The following RAP1GAP2 variants were observed in gnomAD, a reference collection of about 807,000 sequenced individuals.
RAP1GAP2 encodes the protein RAP1 GTPase activating protein 2, also known as rap1 GTPase-activating protein 2.
A neutral mutation model predicts 95.0 loss-of-function variants in RAP1GAP2; 27 were observed. That is an observed-to-expected ratio of 0.28 (90% CI 0.21 to 0.39). The LOEUF is 0.39. Ranked by LOEUF, RAP1GAP2 falls within the 10% of genes least tolerant of loss-of-function variation. The pLI is 1.00. For missense variants in RAP1GAP2, 771 were observed against 970.0 expected (o/e 0.79, Z 2.72); for synonymous variants, 373 against 380.9 (o/e 0.98, Z 0.24).
At position 2,816,935 on chromosome 17, in the gene RAP1GAP2, A is replaced by G. The variant is rs562063463; in HGVS notation, c.80+16385A>G. Among the ~76,000 whole-genome samples the G allele has an allele frequency of 1.8e-5, 2 of 113,606 alleles. 1 individual carries two copies. The highest frequency in any genetic ancestry group is 4.8e-4 in the East Asian group (2 of 4,144). 74.5% of individuals were successfully genotyped at this position (113,606 alleles called of 152,430 possible). ...CTGTGTCTGGCTTATTTCACTTCCC[A>G]TAATGTCTTCAAGGTTCATCCATGT... On this transcript the variant is annotated intron_variant, in intron 2 of 24. Transcript: ENST00000254695.
chr17:2,889,970 C>T (rs1351525442), intron 2 of RAP1GAP2, among the ~76,000 whole-genome samples: 4 of 147,414 alleles, frequency 2.7e-5, no homozygotes, highest in Non-Finnish European at 3.0e-5. Context: ...GTGATCCGCC[C>T]GCTTTGGCCT....
intron 23 of RAP1GAP2, among the ~76,000 whole-genome samples, chr17:3,031,695 A>C (rs55780125): frequency 9.2e-6 from 1 of 108,994 alleles, no homozygotes; most frequent in African/African-American, 3.7e-5. Context: ...ACTATCGAGA[A>C]CTCCAGGTCC....
chr17:2,942,013 G>A (rs1262739761), intron 3 of RAP1GAP2, among the ~76,000 whole-genome samples: 4 of 152,134 alleles, frequency 2.6e-5, no homozygotes, highest in African/African-American at 7.2e-5. Context: ...GAGTGTCACT[G>A]AGATGGCTTT....
At chr17:2,774,102 T>C (rs2068448388), upstream of RAP1GAP2, among the ~76,000 whole-genome samples, 1 of 152,118 alleles carries the variant, frequency 6.6e-6, no homozygotes, top group South Asian at 2.1e-4. Context: ...AAATGTATTT[T>C]GGTTTCTAAT....
intron 2 of RAP1GAP2, among the ~76,000 whole-genome samples, chr17:2,853,587 T>G (rs1240286347): frequency 1.4e-5 from 2 of 147,998 alleles, no homozygotes; most frequent in African/African-American, 5.0e-5. Context: ...GCTGTCCGCC[T>G]CCTCCTGCGC....
At chr17:2,884,467 G>A (rs1051304018) in intron 2 of RAP1GAP2, among the ~76,000 whole-genome samples, 2 of 144,638 alleles carry the variant, frequency 1.4e-5, no homozygotes, top group East Asian at 4.5e-4. Flanking sequence ...TCGCCTCCCC[G>A]GTTCAAGCGA....
intron 1 of RAP1GAP2, among the ~76,000 whole-genome samples, chr17:2,783,466 G>C (rs1421316367): frequency 6.6e-6 from 1 of 152,204 alleles, no homozygotes. Context: ...ATGAATGAAT[G>C]AATTAATGAA....
At chr17:2,756,662 A>T (rs1019816496) in intron 1 of RAP1GAP2, among the ~76,000 whole-genome samples, 2 of 152,204 alleles carry the variant, frequency 1.3e-5, no homozygotes, top group Non-Finnish European at 2.9e-5. Context: ...CAGCAGGGTC[A>T]GAGAGCACCT....
chr17:2,950,417 T>A (rs1346528611), intron 3 of RAP1GAP2, among the ~76,000 whole-genome samples: 3 of 151,932 alleles, frequency 2.0e-5, no homozygotes, highest in Non-Finnish European at 4.4e-5. Context: ...CGAGAAAAAG[T>A]ATCTTGAAGC....
chr17:2,921,360 C>G (rs1279202407), intron 3 of RAP1GAP2, among the ~76,000 whole-genome samples: 1 of 152,074 alleles, frequency 6.6e-6, no homozygotes, highest in East Asian at 1.9e-4. Flanking sequence ...GGCCACCACA[C>G]CCGGCTAACT....
chr17:2,957,739 C>T lies in RAP1GAP2; in HGVS notation c.166-20C>T, dbSNP rs1280652763. The T allele has an allele frequency of 1.2e-6, 2 of 1,604,434 alleles. No homozygotes were observed. The highest frequency in any genetic ancestry group is 1.7e-6 in the Non-Finnish European group (2 of 1,174,972). On this transcript the variant is annotated intron_variant, in intron 3 of 24. Coordinates refer to ENST00000254695, the MANE Select transcript of RAP1GAP2 (RefSeq NM_015085.5). ...CCCGGCTGATCCCTGTCTTTCTGTC[C>T]CCCTGCTTTTGTCTTTCAGTCGTCG...
intron 2 of RAP1GAP2, among the ~76,000 whole-genome samples, chr17:2,820,294 G>A (rs571670974): frequency 1.3e-5 from 2 of 152,188 alleles, no homozygotes; most frequent in South Asian, 2.1e-4. Context: ...CTGTTGGGTC[G>A]CAGCTCTACT....
intron 2 of RAP1GAP2, among the ~76,000 whole-genome samples, chr17:2,813,820 G>A (rs543403116): frequency 6.6e-6 from 1 of 152,068 alleles, no homozygotes; most frequent in Admixed American, 6.5e-5. Context: ...AAAATTAGCC[G>A]GGCATGGTGG....
intron 19 of RAP1GAP2, among the ~76,000 whole-genome samples, chr17:3,023,422 G>A (rs149824650): frequency 7.0e-4 from 107 of 152,238 alleles, no homozygotes; most frequent in African/African-American, 2.1e-3. Context: ...GGGAAAGGGC[G>A]GCATTTGGTT....
At position 2,998,325 on chromosome 17, in the gene RAP1GAP2, C is replaced by T. The variant is rs2046036351; in HGVS notation, c.1149C>T (p.Ala383=). ...TGATAGCCTCCAATTTCTTACATGCCTACATCGTCGTGCAGGTCGAGACCC... is the reference window on the plus strand; with the variant it reads ...TGATAGCCTCCAATTTCTTACATGCTTACATCGTCGTGCAGGTCGAGACCC... The part of the protein sequence containing the change: ...PDMIASNFLH[A]YIVVQVETPG... Residue 383 remains alanine (A), a synonymous_variant, in exon 14 of 25, where the codon GCC becomes GCT. Transcript: ENST00000254695. 1.2e-6 allele frequency: 2 copies of T among 1,613,940 alleles called. No individual in the cohort carries two copies. Among genetic ancestry groups the T allele is most frequent in the African/African-American group, 1.3e-5 (1 of 74,938 alleles).
rs760782140 is a variant in RAP1GAP2, at chr17:2,827,322, A to T, written c.80+26772A>T. On this transcript the variant is annotated intron_variant, in intron 2 of 24. Coordinates refer to ENST00000254695, the MANE Select transcript of RAP1GAP2 (RefSeq NM_015085.5). This position sits in a 1 kb window ranked among gnomAD's most constrained non-coding sequence, Gnocchi z 4.1. Reference sequence around the variant, plus strand: ...AGTGTGAGTCCTACAAAAGTGGACAATTCAGACCCTGTTGGGTTTTGTGGC... The same window carrying T: ...AGTGTGAGTCCTACAAAAGTGGACATTTCAGACCCTGTTGGGTTTTGTGGC... Among the ~76,000 whole-genome samples, 10 of 152,180 alleles carry T rather than the reference A, an allele frequency of 6.6e-5. No individual in the cohort carries two copies. Among genetic ancestry groups the T allele is most frequent in the Non-Finnish European group, 1.3e-4 (9 of 68,046 alleles).
At chr17:3,017,723 C>T (rs935769880) in intron 17 of RAP1GAP2, among the ~76,000 whole-genome samples, 1 of 152,070 alleles carries the variant, frequency 6.6e-6, no homozygotes, top group Non-Finnish European at 1.5e-5. Context: ...GCTTGGCGAG[C>T]TCCAAGCCTC....
intron 3 of RAP1GAP2, among the ~76,000 whole-genome samples, chr17:2,951,713 G>A (rs1274472202): frequency 6.6e-6 from 1 of 151,546 alleles, no homozygotes; most frequent in African/African-American, 2.4e-5. Flanking sequence ...ATGAGACCCT[G>A]TCTCAAAAAC....
At position 2,802,718 on chromosome 17, in the gene RAP1GAP2, A is replaced by G. The variant is rs1319455359; in HGVS notation, c.80+2168A>G. Among the ~76,000 whole-genome samples, 3 of 151,882 alleles carry G rather than the reference A, an allele frequency of 2.0e-5. No homozygotes were observed. In the East Asian group the frequency reaches 5.8e-4, roughly 29 times the overall value. Reference sequence around the variant, plus strand: ...AATGCCGTCTCAAAAAAAAAAGTCTAGAGCTGATGCCAGGAGTGCCATGGA... The same window carrying G: ...AATGCCGTCTCAAAAAAAAAAGTCTGGAGCTGATGCCAGGAGTGCCATGGA... On this transcript the variant is annotated intron_variant, in intron 2 of 24. Transcript: ENST00000254695.
Sources: gnomAD v4.1 joint callset for allele counts (sites outside exome capture counted in the v4.1 genomes callset) on GRCh38, gnomAD v4.1.1 for gene constraint, Gnocchi (gnomAD v3.1) non-coding constraint, MANE v1.5 for transcripts, NCBI Gene and HGNC (gene_info 2026-07-23, HGNC 2026-07-21) for gene names.